Variants in PPARGC1B observed in about 807,000 individuals in gnomAD.
PPARGC1B encodes peroxisome proliferator-activated receptor gamma coactivator 1-beta.
A neutral mutation model predicts 101.6 loss-of-function variants in PPARGC1B; 34 were observed. The ratio of observed to expected loss-of-function variants is 0.33; its 90% CI spans 0.25 to 0.45. The LOEUF is 0.45. Ranked by LOEUF, PPARGC1B falls within the 20% of genes least tolerant of loss-of-function variation. PPARGC1B has a pLI of 1.00. For missense variants in PPARGC1B, 1,234 were observed against 1,317.6 expected (o/e 0.94, Z 0.98); for synonymous variants, 548 against 539.3 (o/e 1.02, Z -0.22).
chr5:149,832,666 C>T lies in PPARGC1B; in HGVS notation c.593C>T (p.Thr198Ile), dbSNP rs1306126851. The change falls in exon 5 of 12, where the codon ACC becomes ATC. Residue 198 changes from threonine (T) to isoleucine (I), a missense_variant. By Grantham distance (89) the Thr-to-Ile change is moderately conservative. Transcript: ENST00000309241. This position sits in a 1 kb window ranked among gnomAD's most constrained non-coding sequence, Gnocchi z 4.9. ...TCTCTCCCTCTCTAGGCGGACAGCA[C>T]CCAAGACAAGAAGGCTCCCATGATG... ...SQRPCVKADS[T>I]QDKKAPMMQS... The T allele has an allele frequency of 2.6e-6, 4 of 1,542,134 alleles. No individual in the cohort carries two copies. The highest frequency in any genetic ancestry group is 3.5e-6 in the Non-Finnish European group (4 of 1,141,238).
At chr5:149,834,180 A>G (rs532545631) in intron 5 of PPARGC1B, among the ~76,000 whole-genome samples, 1 of 152,402 alleles carries the variant, frequency 6.6e-6, no homozygotes, top group African/African-American at 2.4e-5. Flanking sequence ...TGCTAATAGC[A>G]GTAATGATAA....
rs1754440131 is a variant in PPARGC1B at position 149,730,987 on chromosome 5, G to A, written c.78+567G>A. Among the ~76,000 whole-genome samples, 1 of 152,240 alleles carries A rather than the reference G, an allele frequency of 6.6e-6. No homozygotes were observed. ...AAAGGCATAAGGGTCTGCGGGGCAC[G>A]TGGACATGCGGGCGGAGACAGCGTC... On this transcript the variant is annotated intron_variant, in intron 1 of 11. Coordinates refer to ENST00000309241, the MANE Select transcript of PPARGC1B (RefSeq NM_133263.4). The surrounding 1 kb of genome is among the most constrained non-coding windows in gnomAD (Gnocchi z 4.0).
At chr5:149,829,806 C>T (rs940805597) in intron 3 of PPARGC1B, among the ~76,000 whole-genome samples, 2 of 151,616 alleles carry the variant, frequency 1.3e-5, no homozygotes, top group African/African-American at 2.4e-5. Flanking sequence ...GAGGCCGAGG[C>T]GGGCAGATCG....
At position 149,836,328 on chromosome 5, in the gene PPARGC1B, A is replaced by G. The variant is rs775593493; in HGVS notation, c.1873A>G (p.Lys625Glu). Reference sequence around the variant, plus strand: ...GGAGGATCCCTTCAAACCAGACATCAAGCATAGTCTAGGCAAAGAAATAGC... The same window carrying G: ...GGAGGATCCCTTCAAACCAGACATCGAGCATAGTCTAGGCAAAGAAATAGC... ...TEEDPFKPDIKHSLGKEIALS... is the reference protein window; with the variant it reads ...TEEDPFKPDIEHSLGKEIALS... The change falls in exon 8 of 12, where the codon AAG becomes GAG. Residue 625 changes from lysine to glutamate, a missense_variant. Transcript: ENST00000309241. 24 of 1,613,378 alleles carry G rather than the reference A, an allele frequency of 1.5e-5. No homozygotes were observed. The African/African-American group carries it at 3.1e-4, about 21-fold the overall frequency.
intron 1 of PPARGC1B, among the ~76,000 whole-genome samples, chr5:149,774,542 G>A (rs1026562795): frequency 1.3e-5 from 2 of 151,920 alleles, no homozygotes; most frequent in Admixed American, 1.3e-4. Flanking sequence ...GAGCATTAGC[G>A]GGGATTGGGA....
chr5:149,789,358 A>G (rs1388055709), intron 1 of PPARGC1B, among the ~76,000 whole-genome samples: 2 of 152,210 alleles, frequency 1.3e-5, no homozygotes, highest in African/African-American at 4.8e-5. Flanking sequence ...AGACTTATGT[A>G]CACAGGTTGT....
chr5:149,746,988 T>G (rs1755117290), intron 1 of PPARGC1B, among the ~76,000 whole-genome samples: 1 of 152,240 alleles, frequency 6.6e-6, no homozygotes. Context: ...CTCTTTACAT[T>G]TGAGATACTA....
In PPARGC1B at chr5:149,833,042, C is replaced by T; in HGVS notation, c.969C>T (p.Val323=). The change falls in exon 5 of 12, where the codon GTC becomes GTT. Residue 323 remains valine, a synonymous_variant. Transcript: ENST00000309241. The surrounding 1 kb of genome is among the most constrained non-coding windows in gnomAD (Gnocchi z 4.1). ...PKACSNPSQQ[V]RSRPWSRHHS... ...CCTGCAGCAACCCCTCCCAGCAGGTCAGATCCCGGCCCTGGTCCCGGCACC... is the reference window on the plus strand; with the variant it reads ...CCTGCAGCAACCCCTCCCAGCAGGTTAGATCCCGGCCCTGGTCCCGGCACC... The T allele has an allele frequency of 1.2e-6, 2 of 1,613,852 alleles. No individual in the cohort carries two copies. Among genetic ancestry groups the T allele is most frequent in the Non-Finnish European group, 1.7e-6 (2 of 1,180,016 alleles).
chr5:149,835,420 C>CT, intron 7 of PPARGC1B, 55 bp downstream of exon 7: 2 of 1,508,308 alleles, frequency 1.3e-6, no homozygotes, highest in East Asian at 2.3e-5. Flanking sequence ...CCGTGCATCT[C>CT]TGAGTTTTTC....
chr5:149,847,509 C>T lies in PPARGC1B; in HGVS notation c.3023C>T (p.Ala1008Val), dbSNP rs1006488071. Residue 1008 changes from alanine to valine, a missense_variant, in exon 12 of 12, where the codon GCC becomes GTC. Physicochemically the swap from Ala to Val is moderately conservative, Grantham distance 64. This residue lies in a region of PPARGC1B where 497 missense variants were observed against 529.5 expected (regional missense o/e 0.94). Transcript: ENST00000309241. ...LPASGKSKYE[A>V]MDFDSLLKEA... ...GCGTCAGGGAAAAGCAAGTATGAAG[C>T]CATGGATTTTGACAGCTTACTGAAA... is the stretch of plus-strand genomic sequence containing the variant. 3.1e-6 allele frequency: 5 copies of T among 1,614,152 alleles called. No individual in the cohort carries two copies. The highest frequency in any genetic ancestry group is 3.4e-6 in the Non-Finnish European group (4 of 1,180,028).
In PPARGC1B at chr5:149,850,796, G is replaced by A. The variant is rs920226103; in HGVS notation, c.*3238G>A. 7.2e-5 allele frequency: 11 copies of A among 152,160 alleles called. No individual in the cohort carries two copies. The highest frequency in any genetic ancestry group is 2.2e-4 in the African/African-American group (9 of 41,414). 9.4% of individuals were successfully genotyped at this position (152,160 alleles called of 1,614,324 possible). A position where few individuals can be genotyped will look rare whatever the true frequency, so the allele number is the denominator to read the frequency against. On this transcript the variant is annotated 3_prime_UTR_variant, in exon 12 of 12. Coordinates refer to ENST00000309241, the MANE Select transcript of PPARGC1B (RefSeq NM_133263.4). ...GTACTGTCCGTTTCTGTGCCGTGCT[G>A]GTGTTTTCCAAAAATGTCTGATCCA...
chr5:149,835,443 C>T (rs965869208), intron 7 of PPARGC1B, 78 bp downstream of exon 7: 1 of 1,288,500 alleles, frequency 7.8e-7, no homozygotes, highest in African/African-American at 1.5e-5. Flanking sequence ...CATGCATGGG[C>T]AAGGTGCCAC....
At chr5:149,838,577 C>T (rs1477189782) in intron 8 of PPARGC1B, among the ~76,000 whole-genome samples, 1 of 152,238 alleles carries the variant, frequency 6.6e-6, no homozygotes, top group Non-Finnish European at 1.5e-5. Context: ...AATACATCCC[C>T]CAAGCTGGAG....
chr5:149,856,460 C>T (rs1759953865), downstream of PPARGC1B, among the ~76,000 whole-genome samples: 1 of 152,176 alleles, frequency 6.6e-6, no homozygotes. Context: ...CTGCAGGGCA[C>T]TGGCCCCATC....
rs569974759 is a variant in PPARGC1B at position 149,804,652 on chromosome 5, A to G, written c.79-15781A>G. 9.8e-5 allele frequency among the ~76,000 whole-genome samples: 15 copies of G among 152,370 alleles called. No individual in the cohort carries two copies. The East Asian group carries it at 2.7e-3, about 27-fold the overall frequency. On this transcript the variant is annotated intron_variant, in intron 1 of 11. Coordinates refer to ENST00000309241, the MANE Select transcript of PPARGC1B (RefSeq NM_133263.4). ...ACCGCTGCACTCCAGCTGGGGCGAC[A>G]GAGTGAGACGCTGTCTCAAAAAAAC...
At chr5:149,740,185 C>G (rs1383681047) in intron 1 of PPARGC1B, 1 of 152,222 alleles carries the variant, frequency 6.6e-6, no homozygotes, top group African/African-American at 2.4e-5. Flanking sequence ...GCTGTGAATT[C>G]TAGGATGGGG....
intron 9 of PPARGC1B, among the ~76,000 whole-genome samples, chr5:149,841,806 T>C (rs1759349151): frequency 6.6e-6 from 1 of 152,204 alleles, no homozygotes; most frequent in Non-Finnish European, 1.5e-5. Flanking sequence ...TCAGCCACTT[T>C]GCCCAGGCAA....
At chr5:149,830,049 A>G (rs1301722619) in intron 3 of PPARGC1B, among the ~76,000 whole-genome samples, 47 of 120,066 alleles carry the variant, frequency 3.9e-4, no homozygotes, top group South Asian at 7.6e-4. Flanking sequence ...AAAAAAAAAA[A>G]AAAAAGAAAA....
Position 149,852,149 on chromosome 5 carries a change from T to G in PPARGC1B, c.*4591T>G, listed in dbSNP as rs1211456491. ...AACAGGGAGCCATGGGTTTAGATCT[T>G]GGTACCTACCTTTACAGAAAGATGA... is the stretch of plus-strand genomic sequence containing the variant. On this transcript the variant is annotated 3_prime_UTR_variant, in exon 12 of 12. Transcript: ENST00000309241. 1 of 152,202 alleles carries G rather than the reference T, an allele frequency of 6.6e-6. No individual in the cohort carries two copies. Among genetic ancestry groups the G allele is most frequent in the Non-Finnish European group, 1.5e-5 (1 of 68,048 alleles). 9.4% of individuals were successfully genotyped at this position (152,202 alleles called of 1,614,324 possible).
Sources: allele counts gnomAD v4.1 joint callset (sites outside exome capture counted in the v4.1 genomes callset), GRCh38; gene constraint gnomAD v4.1.1; regional missense constraint gnomAD v4.1.1; non-coding constraint Gnocchi (gnomAD v3.1); transcripts MANE v1.5; gene names NCBI Gene and HGNC (gene_info 2026-07-23, HGNC 2026-07-21).